RBFOX1: variants seen among roughly 807,000 people sequenced by gnomAD.
RBFOX1 encodes the protein RNA binding fox-1 homolog 1, also known as RNA binding protein fox-1 homolog 1.
Under a neutral mutation model 57.7 loss-of-function variants are expected in RBFOX1, and 8 were observed. That is an observed-to-expected ratio of 0.14 (90% CI 0.08 to 0.25). The LOEUF is 0.25. Among genes scored for constraint, RBFOX1 ranks in the 10% least tolerant of loss-of-function variants. RBFOX1 has a pLI of 1.00. For synonymous variants in RBFOX1, 326 were observed against 222.4 expected (o/e 1.47, Z -4.15); for missense variants, 611 against 548.5 (o/e 1.11, Z -1.14).
At position 6,337,821 on chromosome 16, in the gene RBFOX1, T is replaced by G. The variant is rs563990282; in HGVS notation, c.-64+20764T>G. On this transcript the variant is annotated intron_variant, in intron 2 of 15. Coordinates refer to ENST00000550418, the MANE Select transcript of RBFOX1 (RefSeq NM_018723.4). ...TTGAGACGAATCCTCCTGCCTCTTC[T>G]TGAGAATCCCTCCAAAGATATCCTG... Among the ~76,000 whole-genome samples the G allele has an allele frequency of 2.6e-5, 4 of 152,356 alleles. No homozygotes were observed. In the South Asian group the frequency reaches 8.3e-4, roughly 32 times the overall value.
chr16:5,458,328 A>G (rs2068691546), intron 1 of RBFOX1, among the ~76,000 whole-genome samples: 1 of 152,174 alleles, frequency 6.6e-6, no homozygotes, highest in Non-Finnish European at 1.5e-5. Flanking sequence ...GGAATAAGAA[A>G]AAAAACGGTG....
At chr16:5,849,049 G>A (rs2056826205) in intron 3 of RBFOX1, among the ~76,000 whole-genome samples, 1 of 152,086 alleles carries the variant, frequency 6.6e-6, no homozygotes, top group African/African-American at 2.4e-5. Context: ...GAATATGCAA[G>A]AATGGGAGAG....
intron 1 of RBFOX1, among the ~76,000 whole-genome samples, chr16:5,431,614 C>T (rs1426216538): frequency 1.3e-5 from 2 of 152,080 alleles, no homozygotes; most frequent in East Asian, 3.9e-4. Context: ...ACCTTGTGAT[C>T]CGCCCGCCTC....
intron 3 of RBFOX1, among the ~76,000 whole-genome samples, chr16:6,657,681 G>C (rs139761769): frequency 3.3e-5 from 5 of 152,302 alleles, no homozygotes; most frequent in East Asian, 3.9e-4. Flanking sequence ...ATTTGATAAA[G>C]TGGAATTGAA....
chr16:6,702,514 A>G (rs1217096670), intron 3 of RBFOX1, among the ~76,000 whole-genome samples: 1 of 151,894 alleles, frequency 6.6e-6, no homozygotes, highest in African/African-American at 2.4e-5. Flanking sequence ...AGATTGTGCC[A>G]TTGCACTCCA....
chr16:5,768,531 C>T (rs1411926216), intron 3 of RBFOX1, among the ~76,000 whole-genome samples: 2 of 152,200 alleles, frequency 1.3e-5, no homozygotes, highest in East Asian at 1.9e-4. Flanking sequence ...ACCATTTTTC[C>T]AGTGTTTTCG....
At chr16:6,090,298 T>G (rs2096152345) in intron 1 of RBFOX1, among the ~76,000 whole-genome samples, 1 of 152,208 alleles carries the variant, frequency 6.6e-6, no homozygotes, top group African/African-American at 2.4e-5. Context: ...ACCTATTCCC[T>G]TAATTCCCTG....
chr16:6,559,043 A>G (rs2097143284), intron 2 of RBFOX1, among the ~76,000 whole-genome samples: 1 of 152,116 alleles, frequency 6.6e-6, no homozygotes, highest in South Asian at 2.1e-4. Flanking sequence ...ACTCCCTAGG[A>G]TAGATGAGAA....
At chr16:6,886,716 C>T (rs1432435458) in intron 3 of RBFOX1, among the ~76,000 whole-genome samples, 1 of 151,268 alleles carries the variant, frequency 6.6e-6, no homozygotes, top group Non-Finnish European at 1.5e-5. Context: ...GATCGCACCA[C>T]CGCACTCCAG....
At chr16:7,384,835 C>G (rs2097850388) in intron 4 of RBFOX1, among the ~76,000 whole-genome samples, 2 of 152,126 alleles carry the variant, frequency 1.3e-5, no homozygotes, top group Admixed American at 6.5e-5. Context: ...TGGCATAGAG[C>G]TTATATTCTA....
intron 2 of RBFOX1, among the ~76,000 whole-genome samples, chr16:6,552,563 G>A (rs2097012608): frequency 6.6e-6 from 1 of 152,160 alleles, no homozygotes; most frequent in Non-Finnish European, 1.5e-5. Context: ...TGTGTGCATT[G>A]ATGGCAATGA....
chr16:7,278,970 A>G (rs959757908), intron 4 of RBFOX1, among the ~76,000 whole-genome samples: 4 of 152,064 alleles, frequency 2.6e-5, no homozygotes, highest in African/African-American at 9.7e-5. Flanking sequence ...TTTCCTTCTT[A>G]AAAAATATTT....
intron 3 of RBFOX1, among the ~76,000 whole-genome samples, chr16:6,788,542 C>A (rs996645813): frequency 6.6e-6 from 1 of 151,758 alleles, no homozygotes; most frequent in African/African-American, 2.4e-5. Context: ...GTGGCGTGAT[C>A]TCGGCTCACT....
intron 3 of RBFOX1, among the ~76,000 whole-genome samples, chr16:7,021,918 TTTC>T (rs543853740): frequency 3.2e-4 from 46 of 143,234 alleles, no homozygotes; most frequent in African/African-American, 1.2e-3. Context: ...CTTTCTTTTC[TTTC>T]TTTCTTTATT....
chr16:5,679,334 C>CT (rs571622871), intron 3 of RBFOX1, among the ~76,000 whole-genome samples: 294 of 142,022 alleles, frequency 2.1e-3, no homozygotes, highest in African/African-American at 3.8e-3. Context: ...AATTCTCTCT[C>CT]TTTTTTTTTT....
chr16:5,350,645 C>A (rs150188700), intron 1 of RBFOX1, among the ~76,000 whole-genome samples: 138 of 152,276 alleles, frequency 9.1e-4, no homozygotes, highest in African/African-American at 3.3e-3. Flanking sequence ...GCGGGCGGAT[C>A]ACCTGAAGTC....
chr16:6,378,944 G>C (rs181688224), intron 2 of RBFOX1, among the ~76,000 whole-genome samples: 1 of 152,242 alleles, frequency 6.6e-6, no homozygotes, highest in African/African-American at 2.4e-5. Flanking sequence ...TGTTGAGAGA[G>C]GATTGGCCCT....
chr16:5,999,308 A>G (rs2060545887), intron 4 of RBFOX1, among the ~76,000 whole-genome samples: 1 of 152,092 alleles, frequency 6.6e-6, no homozygotes, highest in Non-Finnish European at 1.5e-5. Context: ...TCCCCAAACT[A>G]ACTTTGGCTT....
At chr16:6,882,810 T>C (rs2063224937) in intron 3 of RBFOX1, among the ~76,000 whole-genome samples, 1 of 151,942 alleles carries the variant, frequency 6.6e-6, no homozygotes, top group South Asian at 2.1e-4. Flanking sequence ...GGGTATCAAT[T>C]CTCTGTTTCT....
Sources: allele counts gnomAD v4.1 joint callset (sites outside exome capture counted in the v4.1 genomes callset), GRCh38; gene constraint gnomAD v4.1.1; transcripts MANE v1.5; gene names NCBI Gene and HGNC (gene_info 2026-07-23, HGNC 2026-07-21).